The following EPS15 variants were observed in gnomAD, a reference collection of about 807,000 sequenced individuals.
EPS15 encodes epidermal growth factor receptor pathway substrate 15.
In EPS15, 72 loss-of-function variants were observed where a neutral mutation model predicts 113.8. That is an observed-to-expected ratio of 0.63 (90% CI 0.52 to 0.77). The LOEUF is 0.77. Among genes scored for constraint, EPS15 ranks in the 30% least tolerant of loss-of-function variants. EPS15 has a pLI of 0.00. For missense variants in EPS15, 1,048 were observed against 1,045.8 expected (o/e 1.00, Z -0.03); for synonymous variants, 344 against 363.4 (o/e 0.95, Z 0.61).
At chr1:51,490,705 G>A (rs1259032421) in intron 1 of EPS15, among the ~76,000 whole-genome samples, 1 of 152,068 alleles carries the variant, frequency 6.6e-6, no homozygotes, top group Non-Finnish European at 1.5e-5. Flanking sequence ...ATGGAGAGGG[G>A]AGTGGGTATG....
intron 23 of EPS15, 115 bp from the exon 24 acceptor site, chr1:51,361,470 A>G (rs1646385022): frequency 1.4e-6 from 1 of 694,690 alleles, no homozygotes; most frequent in Non-Finnish European, 2.4e-6. Flanking sequence ...TTGAGTACCT[A>G]AAACACATTC....
In EPS15 at chr1:51,431,645, C is replaced by G. The variant is rs558260421; in HGVS notation, c.1040+8702G>C. On this transcript the variant is annotated intron_variant, in intron 12 of 24. Transcript: ENST00000371733. ...ATTTTTACTAGAGACGGGGTTTCACCTTATTGGCCAGGCTGGTTTCAAACT... is the reference window on the plus strand; with the variant it reads ...ATTTTTACTAGAGACGGGGTTTCACGTTATTGGCCAGGCTGGTTTCAAACT... 1.2e-4 allele frequency among the ~76,000 whole-genome samples: 18 copies of G among 152,088 alleles called. No individual in the cohort carries two copies. In the East Asian group the frequency reaches 3.5e-3, roughly 29 times the overall value.
At chr1:51,418,831 G>A (rs1408845166) in intron 13 of EPS15, among the ~76,000 whole-genome samples, 1 of 152,062 alleles carries the variant, frequency 6.6e-6, no homozygotes, top group African/African-American at 2.4e-5. Flanking sequence ...TACAGAAGAG[G>A]AAACTAAAGT....
chr1:51,439,371 C>T (rs934751694), intron 12 of EPS15, among the ~76,000 whole-genome samples: 3 of 151,962 alleles, frequency 2.0e-5, no homozygotes, highest in Non-Finnish European at 4.4e-5. Flanking sequence ...AAGATCATTG[C>T]CAAATTATTG....
intron 14 of EPS15, 91 bp downstream of exon 14, chr1:51,409,444 T>A (rs1301358503): frequency 9.6e-6 from 12 of 1,244,416 alleles, no homozygotes; most frequent in Middle Eastern, 3.9e-4. Context: ...ACCACCACCA[T>A]CAATAACAAA....
rs1557439561 is a variant in EPS15, at chr1:51,408,290, T to C, written c.1318A>G (p.Ile440Val). 6.2e-7 allele frequency: 1 copy of C among 1,613,812 alleles called. No individual in the cohort carries two copies. The highest frequency in any genetic ancestry group is 1.3e-5 in the African/African-American group (1 of 75,044). ...KAELTSQESQ[I>V]STYEEELAKA... ...GCCAATTCTTCTTCGTAAGTGGAGATCTGCGATTCCTGACTAGTTAATTCA... is the reference window on the plus strand; with the variant it reads ...GCCAATTCTTCTTCGTAAGTGGAGACCTGCGATTCCTGACTAGTTAATTCA... The change falls in exon 15 of 25, where the codon ATC becomes GTC. Residue 440 changes from isoleucine to valine, a missense_variant. Ile to Val is a conservative substitution (Grantham distance 29). Transcript: ENST00000371733.
chr1:51,512,843 CTTTT>C (rs59750666), intron 1 of EPS15, among the ~76,000 whole-genome samples: 25 of 118,712 alleles, frequency 2.1e-4, no homozygotes, highest in Non-Finnish European at 3.9e-4. Context: ...TGAGCAATAT[CTTTT>C]TTTTTTTTTT....
chr1:51,399,222 C>T (rs1225683334), intron 19 of EPS15, 57 bp from the exon 20 acceptor site: 1 of 1,549,342 alleles, frequency 6.5e-7, no homozygotes, highest in Non-Finnish European at 8.9e-7. Context: ...ACTAAATTTC[C>T]CATCACTTGA....
At chr1:51,377,003 C>T (rs1396871676) in intron 21 of EPS15, among the ~76,000 whole-genome samples, 2 of 151,952 alleles carry the variant, frequency 1.3e-5, no homozygotes, top group African/African-American at 2.4e-5. Context: ...TAGTGGCTCA[C>T]GCTTGTAATC....
intron 1 of EPS15, among the ~76,000 whole-genome samples, chr1:51,505,990 A>G (rs1490938938): frequency 6.6e-6 from 1 of 152,052 alleles, no homozygotes; most frequent in African/African-American, 2.4e-5. Context: ...AGGTTCAAGC[A>G]ATTCTCCTGC....
intron 21 of EPS15, among the ~76,000 whole-genome samples, chr1:51,379,037 C>A (rs1363375690): frequency 6.6e-6 from 1 of 152,214 alleles, no homozygotes; most frequent in African/African-American, 2.4e-5. Context: ...ACATTATAAT[C>A]AAACTGCTGA....
chr1:51,446,928 T>C (rs1653103737), intron 10 of EPS15, 32 bp downstream of exon 10: 1 of 1,540,134 alleles, frequency 6.5e-7, no homozygotes, highest in Non-Finnish European at 8.8e-7. Context: ...CAAAACCATA[T>C]TTTTAAAAAA....
intron 11 of EPS15, 131 bp from the exon 12 acceptor site, chr1:51,440,563 T>C (rs1652518019): frequency 2.6e-6 from 1 of 378,876 alleles, no homozygotes; most frequent in African/African-American, 2.1e-5. Context: ...GATTTTTAAT[T>C]AAGAAAATCA....
At chr1:51,510,995 G>A (rs1244265120) in intron 1 of EPS15, among the ~76,000 whole-genome samples, 2 of 151,290 alleles carry the variant, frequency 1.3e-5, no homozygotes, top group Non-Finnish European at 3.0e-5. Context: ...GTGAAACCCC[G>A]TCTCTACTAA....
intron 12 of EPS15, among the ~76,000 whole-genome samples, chr1:51,424,962 A>G (rs770093571): frequency 1.4e-4 from 21 of 152,160 alleles, no homozygotes; most frequent in Non-Finnish European, 2.2e-4. Flanking sequence ...ACCACCACTC[A>G]TCTTGGATGT....
At chr1:51,438,791 C>A (rs1268065005) in intron 12 of EPS15, among the ~76,000 whole-genome samples, 1 of 151,950 alleles carries the variant, frequency 6.6e-6, no homozygotes, top group Non-Finnish European at 1.5e-5. Flanking sequence ...AATTGTATAA[C>A]AGAAAGAATG....
intron 12 of EPS15, among the ~76,000 whole-genome samples, chr1:51,427,205 T>TA (rs1464453464): frequency 1.2e-4 from 19 of 152,338 alleles, no homozygotes; most frequent in African/African-American, 3.4e-4. Flanking sequence ...AAGCTCTAGT[T>TA]TCTGCAGCTA....
chr1:51,486,477 T>G (rs1644125218), intron 1 of EPS15, among the ~76,000 whole-genome samples: 1 of 149,826 alleles, frequency 6.7e-6, no homozygotes. Flanking sequence ...TTGCAACACT[T>G]AAATCTGGTG....
intron 21 of EPS15, among the ~76,000 whole-genome samples, chr1:51,388,551 C>T (rs573845921): frequency 1.7e-3 from 252 of 151,890 alleles, no homozygotes; most frequent in African/African-American, 5.7e-3. Context: ...AAAGGATCAA[C>T]GAAATTGATA....
Sources: gnomAD v4.1 joint callset for allele counts (sites outside exome capture counted in the v4.1 genomes callset) on GRCh38, gnomAD v4.1.1 for gene constraint, MANE v1.5 for transcripts, NCBI Gene and HGNC (gene_info 2026-07-23, HGNC 2026-07-21) for gene names.